ZBTB20: variants seen among roughly 807,000 people sequenced by gnomAD.
The protein encoded by ZBTB20 is zinc finger and BTB domain containing 20, also known as zinc finger and BTB domain-containing protein 20.
In ZBTB20, 9 loss-of-function variants were observed where a neutral mutation model predicts 56.9. The ratio of observed to expected loss-of-function variants is 0.16; its 90% CI spans 0.10 to 0.28. The LOEUF is 0.28. Among genes scored for constraint, ZBTB20 ranks in the 10% least tolerant of loss-of-function variants. ZBTB20 has a pLI of 1.00. For missense variants in ZBTB20, 655 were observed against 1,003.0 expected, an observed-to-expected ratio of 0.65 and a Z score of 4.69; for synonymous variants, 417 against 420.7, an observed-to-expected ratio of 0.99 and a Z score of 0.11.
intron 5 of ZBTB20, among the ~76,000 whole-genome samples, chr3:114,772,470 G>A (rs2069287387): frequency 6.6e-6 from 1 of 152,026 alleles, no homozygotes; most frequent in African/African-American, 2.4e-5. Context: ...AAAAGGATTA[G>A]GATAAATAAA....
rs982706763 is a variant in ZBTB20, at chr3:114,941,037, A to G, written c.-456+33329T>C. 2.7e-5 allele frequency among the ~76,000 whole-genome samples: 4 copies of G among 146,468 alleles called. No individual in the cohort carries two copies. In the East Asian group the frequency reaches 7.7e-4, roughly 28 times the overall value. ...ATTTTTAAAAAGAAATAAAATAACA[A>G]AAATAAAAATACAAAGGATGTCAGT... On this transcript the variant is annotated intron_variant, in intron 3 of 11. Coordinates refer to ENST00000675478, the MANE Select transcript of ZBTB20 (RefSeq NM_001348800.3).
At chr3:114,982,203 G>A (rs2108093479) in intron 2 of ZBTB20, among the ~76,000 whole-genome samples, 1 of 151,994 alleles carries the variant, frequency 6.6e-6, no homozygotes, top group South Asian at 2.1e-4. Flanking sequence ...AGTATAAATG[G>A]GCAATATTAT....
At chr3:114,366,069 C>T (rs2082367021) in intron 10 of ZBTB20, among the ~76,000 whole-genome samples, 1 of 152,228 alleles carries the variant, frequency 6.6e-6, no homozygotes, top group Non-Finnish European at 1.5e-5. Flanking sequence ...TGAGCACCTA[C>T]TCCTAATTTG....
At chr3:114,982,104 A>G (rs922565479) in intron 2 of ZBTB20, among the ~76,000 whole-genome samples, 2 of 152,038 alleles carry the variant, frequency 1.3e-5, no homozygotes, top group African/African-American at 4.8e-5. Flanking sequence ...GAATTATACA[A>G]TCAAAGCTGA....
At chr3:114,942,135 C>A (rs756788756) in intron 3 of ZBTB20, among the ~76,000 whole-genome samples, 4 of 145,850 alleles carry the variant, frequency 2.7e-5, no homozygotes, top group Non-Finnish European at 5.9e-5. Context: ...GCATTAGTCA[C>A]AGTTTAATAA....
chr3:115,098,213 T>C (rs1380127620), intron 1 of ZBTB20, among the ~76,000 whole-genome samples: 1 of 152,176 alleles, frequency 6.6e-6, no homozygotes, highest in Non-Finnish European at 1.5e-5. Context: ...CATGCACATG[T>C]ATGCACAGAT....
intron 2 of ZBTB20, among the ~76,000 whole-genome samples, chr3:115,058,893 C>T (rs1055114190): frequency 5.9e-5 from 9 of 152,258 alleles, no homozygotes; most frequent in Middle Eastern, 3.4e-3. Context: ...GTGTGTGCTT[C>T]AGATTGGATA....
intron 2 of ZBTB20, among the ~76,000 whole-genome samples, chr3:114,978,375 G>C (rs2078192872): frequency 6.7e-6 from 1 of 150,048 alleles, no homozygotes; most frequent in East Asian, 1.9e-4. Flanking sequence ...AAATACATAT[G>C]AAATAATATT....
At chr3:115,127,075 T>C (rs879091658) in intron 1 of ZBTB20, among the ~76,000 whole-genome samples, 2 of 152,144 alleles carry the variant, frequency 1.3e-5, no homozygotes, top group African/African-American at 2.4e-5. Flanking sequence ...AGGTCTGAAG[T>C]GGAGTTTGAG....
At chr3:114,545,055 C>T (rs989435079) in intron 6 of ZBTB20, among the ~76,000 whole-genome samples, 11 of 152,156 alleles carry the variant, frequency 7.2e-5, no homozygotes, top group African/African-American at 2.2e-4. Flanking sequence ...GAATTCTGCT[C>T]ACACCTCTTC....
intron 2 of ZBTB20, among the ~76,000 whole-genome samples, chr3:114,979,794 C>T (rs374312912): frequency 3.3e-5 from 5 of 151,950 alleles, no homozygotes; most frequent in African/African-American, 1.2e-4. Context: ...ATCATGCATC[C>T]TAAGGTGGAG....
At chr3:114,500,169 C>T (rs1369762517) in intron 7 of ZBTB20, among the ~76,000 whole-genome samples, 183 bp downstream of exon 7, 1 of 152,182 alleles carries the variant, frequency 6.6e-6, no homozygotes, top group Non-Finnish European at 1.5e-5. Context: ...TTTCTGCACC[C>T]TCATGGATAG....
At chr3:114,809,875 T>C (rs2072389803) in intron 4 of ZBTB20, among the ~76,000 whole-genome samples, 1 of 152,324 alleles carries the variant, frequency 6.6e-6, no homozygotes, top group Admixed American at 6.5e-5. Flanking sequence ...TTTGTTTATT[T>C]AGGACTTGCC....
intron 7 of ZBTB20, among the ~76,000 whole-genome samples, chr3:114,438,441 A>C (rs547282381): frequency 5.1e-4 from 78 of 151,960 alleles, no homozygotes; most frequent in Middle Eastern, 6.8e-3. Flanking sequence ...AAAACCAAAA[A>C]AAAACAAAAC....
At chr3:114,751,998 G>A (rs1378748222) in intron 5 of ZBTB20, among the ~76,000 whole-genome samples, 1 of 152,062 alleles carries the variant, frequency 6.6e-6, no homozygotes, top group Non-Finnish European at 1.5e-5. Flanking sequence ...AACTATAATA[G>A]TAGTAATAAT....
chr3:114,884,144 G>C lies in ZBTB20; in HGVS notation c.-417+16160C>G, dbSNP rs372273970. On this transcript the variant is annotated intron_variant, in intron 4 of 11. Coordinates refer to ENST00000675478, the MANE Select transcript of ZBTB20 (RefSeq NM_001348800.3). ...GTTTCACCGTTTTAGCCGGGATGGT[G>C]TCGATCTCCTGACCTCGTGATCCGC... 3.1e-4 allele frequency among the ~76,000 whole-genome samples: 47 copies of C among 151,192 alleles called. 1 individual carries two copies. The highest frequency in any genetic ancestry group is 1.9e-4 in the East Asian group (1 of 5,148).
intron 6 of ZBTB20, among the ~76,000 whole-genome samples, chr3:114,598,466 C>A (rs1245109571): frequency 1.3e-5 from 2 of 150,834 alleles, no homozygotes; most frequent in East Asian, 3.9e-4. Context: ...TATGCTCAAT[C>A]CCTCTTGTAT....
At chr3:115,010,210 A>C (rs1413989341) in intron 2 of ZBTB20, among the ~76,000 whole-genome samples, 1 of 151,950 alleles carries the variant, frequency 6.6e-6, no homozygotes, top group Non-Finnish European at 1.5e-5. Context: ...TGTCCTGAAG[A>C]GAAGTACACA....
At chr3:114,932,869 C>A (rs1463248982) in intron 3 of ZBTB20, among the ~76,000 whole-genome samples, 1 of 152,208 alleles carries the variant, frequency 6.6e-6, no homozygotes, top group Non-Finnish European at 1.5e-5. Context: ...ACTGACCTTG[C>A]ACCCTTTTTT....
Sources: gnomAD v4.1 joint callset for allele counts (sites outside exome capture counted in the v4.1 genomes callset) on GRCh38, gnomAD v4.1.1 for gene constraint, MANE v1.5 for transcripts, NCBI Gene and HGNC (gene_info 2026-07-23, HGNC 2026-07-21) for gene names.